Variants in WDR64 observed in about 807,000 individuals in gnomAD.
The protein encoded by WDR64 is WD repeat-containing protein 64.
A neutral mutation model predicts 139.3 loss-of-function variants in WDR64; 112 were observed. The ratio of observed to expected loss-of-function variants is 0.80; its 90% confidence interval spans 0.69 to 0.94. WDR64 has a LOEUF of 0.94. WDR64 is among the 40% of genes least tolerant of loss of function. The pLI is 0.00. For synonymous variants in WDR64, 444 were observed against 437.7 expected, an observed-to-expected ratio of 1.01 and a Z score of -0.18; for missense variants, 1,206 against 1,293.1, an observed-to-expected ratio of 0.93 and a Z score of 1.03.
rs571346040 is a variant in WDR64, at chr1:241,778,977, T to C, written c.2537-1027T>C. Among the ~76,000 whole-genome samples the C allele has an allele frequency of 2.0e-5, 3 of 152,280 alleles. No individual in the cohort carries two copies. The East Asian group carries it at 5.8e-4, about 29-fold the overall frequency. On this transcript the variant is annotated intron_variant, in intron 21 of 27. Coordinates refer to ENST00000437684, the MANE Select transcript of WDR64 (RefSeq NM_001367482.1). ...TCCTTGTCTTCTTAGTTTCCTTATGTAGATATGAGTTTTTTTAAACCTATA... is the reference window on the plus strand; with the variant it reads ...TCCTTGTCTTCTTAGTTTCCTTATGCAGATATGAGTTTTTTTAAACCTATA...
chr1:241,774,137 C>G (rs1200857781), intron 20 of WDR64, among the ~76,000 whole-genome samples: 2 of 152,152 alleles, frequency 1.3e-5, no homozygotes, highest in East Asian at 1.9e-4. Context: ...CTTAGAAAAA[C>G]AGAGGAGGTG....
intron 6 of WDR64, among the ~76,000 whole-genome samples, chr1:241,680,899 G>C (rs1037936949): frequency 6.6e-6 from 1 of 152,076 alleles, no homozygotes; most frequent in Non-Finnish European, 1.5e-5. Context: ...AGATGGACTT[G>C]CACTCTATTT....
chr1:241,734,904 C>T (rs1365834624), intron 10 of WDR64, among the ~76,000 whole-genome samples: 1 of 152,142 alleles, frequency 6.6e-6, no homozygotes, highest in Admixed American at 6.5e-5. Flanking sequence ...ATGATGTTCA[C>T]ACAATGACAA....
chr1:241,771,978 A>ATATT (rs1658470591), intron 19 of WDR64, among the ~76,000 whole-genome samples: 1 of 128,072 alleles, frequency 7.8e-6, no homozygotes, highest in African/African-American at 3.0e-5. Flanking sequence ...ATATATATAT[A>ATATT]TATATATATA....
At chr1:241,797,795 G>GA (rs924514968) in intron 27 of WDR64, among the ~76,000 whole-genome samples, 27 of 148,188 alleles carry the variant, frequency 1.8e-4, no homozygotes, top group South Asian at 4.3e-4. Flanking sequence ...ACCTGGAAAT[G>GA]AAAAAAAAAA....
intron 1 of WDR64, among the ~76,000 whole-genome samples, chr1:241,655,102 T>G (rs1160274768): frequency 6.6e-6 from 1 of 152,190 alleles, no homozygotes; most frequent in Admixed American, 6.5e-5. Context: ...ATAGTCTTCT[T>G]GGCCAGGCGC....
intron 6 of WDR64, among the ~76,000 whole-genome samples, chr1:241,682,004 A>T (rs1398563883): frequency 6.6e-6 from 1 of 151,764 alleles, no homozygotes; most frequent in African/African-American, 2.4e-5. Flanking sequence ...AATTTGTTTG[A>T]GTTCCTTGTA....
chr1:241,666,892 T>G (rs972443287), intron 2 of WDR64, among the ~76,000 whole-genome samples: 3 of 152,176 alleles, frequency 2.0e-5, no homozygotes, highest in Non-Finnish European at 4.4e-5. Context: ...AAACTAAGGA[T>G]CTTGCTTGAG....
intron 15 of WDR64, 80 bp from the exon 16 acceptor site, chr1:241,766,138 A>C: frequency 7.2e-7 from 1 of 1,390,352 alleles, no homozygotes; most frequent in Admixed American, 2.2e-5. Context: ...GTTGATGACA[A>C]TTACAAAGTG....
At chr1:241,790,516 CATA>C in intron 24 of WDR64, 72 bp from the exon 25 acceptor site, 2 of 1,240,098 alleles carry the variant, frequency 1.6e-6, no homozygotes, top group African/African-American at 3.0e-5. Context: ...CAGAGAAGGA[CATA>C]ATGGATCTTT....
intron 20 of WDR64, 24 bp downstream of exon 20, chr1:241,772,955 G>C: frequency 6.5e-7 from 1 of 1,538,896 alleles, no homozygotes; most frequent in Non-Finnish European, 8.8e-7. Context: ...GCAAGTCTGG[G>C]AATAGGAAAG....
In WDR64 at chr1:241,656,080, A is replaced by G. The variant is rs942603744; in HGVS notation, c.145+3451A>G. 1.3e-5 allele frequency among the ~76,000 whole-genome samples: 2 copies of G among 152,152 alleles called. No individual in the cohort carries two copies. Among genetic ancestry groups the G allele is most frequent in the Admixed American group, 6.5e-5 (1 of 15,280 alleles). ...GCCACACTGAAAATTTCCTTTCTCT[A>G]TAGTTTTCAAGATTTGATGAAAACT... On this transcript the variant is annotated intron_variant, in intron 1 of 27. Transcript: ENST00000437684. This position sits in a 1 kb window ranked among gnomAD's most constrained non-coding sequence, Gnocchi z 4.3.
intron 15 of WDR64, among the ~76,000 whole-genome samples, chr1:241,758,928 AG>A (rs1342988980): frequency 1.3e-5 from 2 of 152,212 alleles, no homozygotes; most frequent in Non-Finnish European, 2.9e-5. Flanking sequence ...AAACATTAAG[AG>A]AAAATGCACT....
intron 21 of WDR64, among the ~76,000 whole-genome samples, 187 bp from the exon 22 acceptor site, chr1:241,779,817 G>A (rs943602200): frequency 7.2e-5 from 11 of 152,244 alleles, no homozygotes; most frequent in African/African-American, 1.2e-4. Flanking sequence ...GCTACAAAGC[G>A]AGACTCCATC....
At chr1:241,714,828 G>T (rs1668340546) in intron 9 of WDR64, among the ~76,000 whole-genome samples, 1 of 152,094 alleles carries the variant, frequency 6.6e-6, no homozygotes, top group South Asian at 2.1e-4. Context: ...TCACTTAATT[G>T]CTCCCTTTTG....
chr1:241,758,269 G>A (rs1441806883), intron 15 of WDR64, among the ~76,000 whole-genome samples: 1 of 151,356 alleles, frequency 6.6e-6, no homozygotes, highest in African/African-American at 2.4e-5. Flanking sequence ...CACCTTCATA[G>A]GTGCTGTCCT....
chr1:241,758,853 T>C (rs1032216198), intron 15 of WDR64, among the ~76,000 whole-genome samples: 1 of 152,176 alleles, frequency 6.6e-6, no homozygotes, highest in African/African-American at 2.4e-5. Flanking sequence ...GAAATAGTAT[T>C]TTAAAAAACC....
At chr1:241,753,376 A>G (rs1384079208) in intron 14 of WDR64, among the ~76,000 whole-genome samples, 1 of 152,206 alleles carries the variant, frequency 6.6e-6, no homozygotes, top group Non-Finnish European at 1.5e-5. Context: ...AAAATTAAAA[A>G]TTAATGGCCT....
chr1:241,710,538 G>GTGGGAGGT (rs1668118920), intron 8 of WDR64, among the ~76,000 whole-genome samples: 1 of 141,758 alleles, frequency 7.1e-6, no homozygotes, highest in Non-Finnish European at 1.5e-5. Context: ...GGGTGGGAGG[G>GTGGGAGGT]TGGGAGGGTG....
Sources: gnomAD v4.1 joint callset for allele counts (sites outside exome capture counted in the v4.1 genomes callset) on GRCh38, gnomAD v4.1.1 for gene constraint, Gnocchi (gnomAD v3.1) non-coding constraint, MANE v1.5 for transcripts, NCBI Gene and HGNC (gene_info 2026-07-23, HGNC 2026-07-21) for gene names.